Variants in DEFB110 observed in about 807,000 individuals in gnomAD.
DEFB110 encodes defensin beta 110.
Under a neutral mutation model 2.5 loss-of-function variants are expected in DEFB110, and 4 were observed. The ratio of observed to expected loss-of-function variants is 1.60; its 90% CI spans 0.79 to 3.66. DEFB110 has a LOEUF of 3.66. Ranked by LOEUF, DEFB110 falls within the 30% of genes most tolerant of loss-of-function variation. The probability of loss-of-function intolerance (pLI) is 0.01; values close to 1 mark genes in which losing one functional copy is unlikely to be tolerated. For synonymous variants in DEFB110, 29 were observed against 21.8 expected (o/e 1.33, Z -0.92); for missense variants, 94 against 75.4 (o/e 1.25, Z -0.91).
At chr6:50,020,791 C>T (rs1774405214) in intron 1 of DEFB110, among the ~76,000 whole-genome samples, 1 of 152,162 alleles carries the variant, frequency 6.6e-6, no homozygotes, top group Non-Finnish European at 1.5e-5. Context: ...AGAAGAGCAT[C>T]TAGTTAATCT....
chr6:50,019,287 T>C (rs1774376797), intron 1 of DEFB110, among the ~76,000 whole-genome samples, 162 bp from the exon 2 acceptor site: 1 of 152,036 alleles, frequency 6.6e-6, no homozygotes. Context: ...CAAGCTACAT[T>C]CTAGAAATAA....
At chr6:50,013,074 C>A (rs1774252614) in intron 1 of DEFB110, among the ~76,000 whole-genome samples, 2 of 151,932 alleles carry the variant, frequency 1.3e-5, no homozygotes, top group Admixed American at 6.6e-5. Flanking sequence ...GTTTCAGATT[C>A]TTTTCTAAGC....
chr6:50,021,599 T>C (rs1260413376), intron 1 of DEFB110, among the ~76,000 whole-genome samples: 1 of 152,210 alleles, frequency 6.6e-6, no homozygotes, highest in South Asian at 2.1e-4. Flanking sequence ...TTATGTTATA[T>C]ATTGCATAAA....
chr6:50,013,021 C>T lies in DEFB110; in HGVS notation c.56-3750G>A, dbSNP rs545909753. ...CTATTACTATTTTAACTGCTACTACCACTGCCACTATTAATAGCTATGTTT... is the reference window on the plus strand; with the variant it reads ...CTATTACTATTTTAACTGCTACTACTACTGCCACTATTAATAGCTATGTTT... On this transcript the variant is annotated intron_variant, in intron 1 of 1. Coordinates refer to the DEFB110 transcript ENST00000393660. Among the ~76,000 whole-genome samples, 4 of 152,004 alleles carry T rather than the reference C, an allele frequency of 2.6e-5. No individual in the cohort carries two copies. The South Asian group carries it at 6.2e-4, about 24-fold the overall frequency.
At chr6:50,015,948 T>C (rs1774308630), downstream of DEFB110, among the ~76,000 whole-genome samples, 1 of 151,860 alleles carries the variant, frequency 6.6e-6, no homozygotes, top group Admixed American at 6.6e-5. Flanking sequence ...AAATTGAATA[T>C]TACTTAAAAA....
chr6:50,019,549 T>C (rs760228136), intron 1 of DEFB110, among the ~76,000 whole-genome samples: 55 of 152,036 alleles, frequency 3.6e-4, no homozygotes, highest in Non-Finnish European at 6.6e-4. Flanking sequence ...TGATTTTGCT[T>C]CTCTAAAATG....
downstream of DEFB110, among the ~76,000 whole-genome samples, chr6:50,014,234 G>T (rs1214674831): frequency 2.6e-5 from 4 of 151,790 alleles, no homozygotes; most frequent in Non-Finnish European, 4.4e-5. Flanking sequence ...GTTTGCTTTA[G>T]GAAAACATAT....
In DEFB110 at chr6:50,021,907, A is replaced by T; in HGVS notation, c.29T>A (p.Leu10Gln). The T allele has an allele frequency of 6.4e-7, 1 of 1,559,118 alleles. No individual in the cohort carries two copies. The highest frequency in any genetic ancestry group is 8.6e-7 in the Non-Finnish European group (1 of 1,161,000). Residue 10 changes from leucine (L) to glutamine (Q), a missense_variant, in exon 1 of 2, where the codon CTG (leucine) becomes CAG (glutamine). Transcript: ENST00000371148. ...TGGTAAAATTGTGACCCAAAAGTGCAGAATAAAGAAAAAAAGTTGAATCTT... is the reference window on the plus strand; with the variant it reads ...TGGTAAAATTGTGACCCAAAAGTGCTGAATAAAGAAAAAAAGTTGAATCTT... MKIQLFFFI[L>Q]HFWVTILPAK...
chr6:50,017,015 T>C (rs1037606982), downstream of DEFB110, among the ~76,000 whole-genome samples: 1 of 151,764 alleles, frequency 6.6e-6, no homozygotes, highest in Admixed American at 6.6e-5. Context: ...AACTCTTATT[T>C]TCCCCATATT....
chr6:50,016,309 C>G (rs181142649), downstream of DEFB110, among the ~76,000 whole-genome samples: 2 of 151,874 alleles, frequency 1.3e-5, no homozygotes, highest in Admixed American at 1.3e-4. Context: ...ATTTCCATCA[C>G]TTAGTGGCAT....
intron 1 of DEFB110, among the ~76,000 whole-genome samples, chr6:50,011,880 G>C (rs542158313): frequency 6.6e-5 from 10 of 152,032 alleles, no homozygotes; most frequent in Non-Finnish European, 1.5e-4. Flanking sequence ...TGGGTCAGTT[G>C]AAAGTTTGAA....
At chr6:50,011,649 A>G (rs1352891940) in intron 1 of DEFB110, among the ~76,000 whole-genome samples, 2 of 151,716 alleles carry the variant, frequency 1.3e-5, no homozygotes, top group African/African-American at 4.8e-5. Flanking sequence ...GGAGTTTTTC[A>G]CTCTCCCAAG....
chr6:50,020,793 A>C (rs1384769459), intron 1 of DEFB110, among the ~76,000 whole-genome samples: 4 of 152,242 alleles, frequency 2.6e-5, no homozygotes, highest in Non-Finnish European at 4.4e-5. Context: ...AAGAGCATCT[A>C]GTTAATCTGC....
intron 1 of DEFB110, among the ~76,000 whole-genome samples, chr6:50,013,469 C>T (rs1015487883): frequency 6.6e-6 from 1 of 151,654 alleles, no homozygotes; most frequent in African/African-American, 2.4e-5. Flanking sequence ...GCAAAAGGCC[C>T]TACCAAGCTA....
downstream of DEFB110, among the ~76,000 whole-genome samples, chr6:50,014,966 C>G (rs1307462900): frequency 6.6e-6 from 1 of 151,812 alleles, no homozygotes; most frequent in African/African-American, 2.4e-5. Context: ...TTCTCTTAAC[C>G]ACTTGCTAAA....
chr6:50,016,296 A>G (rs1385961341), downstream of DEFB110, among the ~76,000 whole-genome samples: 1 of 151,866 alleles, frequency 6.6e-6, no homozygotes, highest in East Asian at 1.9e-4. Flanking sequence ...AATAACAACA[A>G]AAATTTCCAT....
At chr6:50,014,569 A>G (rs549438043), downstream of DEFB110, among the ~76,000 whole-genome samples, 1 of 151,982 alleles carries the variant, frequency 6.6e-6, no homozygotes, top group African/African-American at 2.4e-5. Flanking sequence ...TGAAATATTC[A>G]ACAAATGACG....
At chr6:50,014,948 T>C (rs1377111913), downstream of DEFB110, among the ~76,000 whole-genome samples, 1 of 151,936 alleles carries the variant, frequency 6.6e-6, no homozygotes, top group East Asian at 1.9e-4. Context: ...ACTCTCATTT[T>C]CTGTCTCTTC....
chr6:50,020,083 G>A (rs1774393266), intron 1 of DEFB110, among the ~76,000 whole-genome samples: 1 of 152,084 alleles, frequency 6.6e-6, no homozygotes, highest in Non-Finnish European at 1.5e-5. Flanking sequence ...ATGGGTGAGG[G>A]ATTTGTAGCT....
Sources: gnomAD v4.1 joint callset for allele counts (sites outside exome capture counted in the v4.1 genomes callset) on GRCh38, gnomAD v4.1.1 for gene constraint, MANE v1.5 for transcripts, NCBI Gene and HGNC (gene_info 2026-07-23, HGNC 2026-07-21) for gene names.